The following ADAM12 variants were observed in gnomAD, a reference collection of about 807,000 sequenced individuals.
ADAM12 encodes disintegrin and metalloproteinase domain-containing protein 12.
ADAM12 carries 70 observed loss-of-function variants against 106.4 expected under a neutral mutation model. The observed-to-expected ratio is 0.66, with a 90% CI of 0.54 to 0.80. The LOEUF (loss-of-function observed/expected upper bound fraction) is 0.80, where lower values mean the gene tolerates loss of function less well. Among genes scored for constraint, ADAM12 ranks in the 30% least tolerant of loss-of-function variants. ADAM12 has a pLI of 0.00. For synonymous variants in ADAM12, 420 were observed against 433.5 expected (o/e 0.97, Z 0.39); for missense variants, 1,010 against 1,171.9 (o/e 0.86, Z 2.02).
intron 4 of ADAM12, among the ~76,000 whole-genome samples, chr10:126,137,925 G>A (rs1956436237): frequency 1.3e-5 from 2 of 152,192 alleles, no homozygotes; most frequent in African/African-American, 2.4e-5. Context: ...TAAAAGTAAG[G>A]TTGCTGGTTA....
At chr10:126,264,100 C>G (rs1348469757) in intron 3 of ADAM12, among the ~76,000 whole-genome samples, 2 of 152,092 alleles carry the variant, frequency 1.3e-5, no homozygotes, top group Admixed American at 1.3e-4. Flanking sequence ...TATGAATGTA[C>G]AATACCATCA....
At chr10:126,198,346 C>T (rs896878229) in intron 3 of ADAM12, among the ~76,000 whole-genome samples, 7 of 152,170 alleles carry the variant, frequency 4.6e-5, no homozygotes, top group African/African-American at 7.2e-5. Flanking sequence ...AAGTGTAAGA[C>T]GACAGAATTT....
chr10:126,051,253 A>G (rs771466231), intron 14 of ADAM12, among the ~76,000 whole-genome samples: 2 of 152,218 alleles, frequency 1.3e-5, no homozygotes, highest in South Asian at 4.1e-4. Flanking sequence ...ACTGGCATCT[A>G]GAATAGTAAC....
intron 10 of ADAM12, among the ~76,000 whole-genome samples, chr10:126,094,346 G>C (rs12416659): frequency 6.6e-6 from 1 of 152,136 alleles, no homozygotes; most frequent in African/African-American, 2.4e-5. Flanking sequence ...TTCGGCTGAG[G>C]AATGTCTGTA....
chr10:126,383,254 C>G (rs758561052), intron 1 of ADAM12, among the ~76,000 whole-genome samples: 1 of 151,918 alleles, frequency 6.6e-6, no homozygotes, highest in East Asian at 1.9e-4. Flanking sequence ...CATGAGCTAC[C>G]GTGCCCAGCC....
intron 3 of ADAM12, among the ~76,000 whole-genome samples, chr10:126,221,426 GAAGAAA>G (rs1333277098): frequency 2.0e-5 from 3 of 149,950 alleles, no homozygotes; most frequent in Non-Finnish European, 4.4e-5. Flanking sequence ...GAAAGAAAGA[GAAGAAA>G]AAGAAAAAGA....
intron 18 of ADAM12, 52 bp downstream of exon 18, chr10:126,042,988 C>A: frequency 6.4e-7 from 1 of 1,562,092 alleles, no homozygotes; most frequent in Non-Finnish European, 8.7e-7. Context: ...GCGAGCCCAC[C>A]CGCCCCCAGG....
chr10:126,079,251 T>C (rs1303203840), intron 11 of ADAM12, among the ~76,000 whole-genome samples: 1 of 152,196 alleles, frequency 6.6e-6, no homozygotes, highest in Non-Finnish European at 1.5e-5. Flanking sequence ...CACAATGTTG[T>C]GTAGCCATCA....
At position 126,118,189 on chromosome 10, in the gene ADAM12, A is replaced by G; in HGVS notation, c.452T>C (p.Leu151Ser). The change falls in exon 6 of 23, where the codon TTA becomes TCA. Residue 151 changes from leucine (L) to serine (S), a missense_variant. Physicochemically the swap from Leu to Ser is moderately radical, Grantham distance 145. This residue lies in a region of ADAM12 where 391 missense variants were observed against 442.9 expected (regional missense o/e 0.88). Transcript: ENST00000448723. ...LIVFENESYV[L>S]EPMKSATNRY... is the part of the protein sequence containing the mutation. ...GTTGGTTGCACTTTTCATTGGTTCT[A>G]AGACATAGCTTTCATTTTCAAACAC... 6.2e-7 allele frequency: 1 copy of G among 1,614,112 alleles called. No homozygotes were observed. Among genetic ancestry groups the G allele is most frequent in the South Asian group, 1.1e-5 (1 of 91,074 alleles).
intron 3 of ADAM12, among the ~76,000 whole-genome samples, chr10:126,187,185 T>C (rs1957414160): frequency 2.0e-5 from 3 of 152,192 alleles, no homozygotes; most frequent in African/African-American, 7.2e-5. Context: ...AGTAAAACTT[T>C]CATACTTCTT....
At chr10:126,125,264 G>A (rs77948484) in intron 5 of ADAM12, among the ~76,000 whole-genome samples, 27 of 50,888 alleles carry the variant, frequency 5.3e-4, no homozygotes, top group Non-Finnish European at 1.0e-3. Flanking sequence ...TTTTTTTTTT[G>A]AAACGGAGTC....
chr10:126,267,650 C>A (rs1248587609), intron 3 of ADAM12, among the ~76,000 whole-genome samples: 3 of 152,286 alleles, frequency 2.0e-5, no homozygotes, highest in East Asian at 3.9e-4. Context: ...TGATGGGGAG[C>A]AGCCGTAAAT....
intron 22 of ADAM12, among the ~76,000 whole-genome samples, chr10:126,019,140 C>G (rs1055617582): frequency 3.9e-5 from 6 of 152,064 alleles, no homozygotes; most frequent in African/African-American, 7.2e-5. Flanking sequence ...TGTGTGGCAC[C>G]TCCCCTTTTT....
At chr10:126,312,858 C>T (rs192693906) in intron 2 of ADAM12, among the ~76,000 whole-genome samples, 4 of 152,248 alleles carry the variant, frequency 2.6e-5, no homozygotes, top group South Asian at 4.2e-4. Context: ...CACATATGCA[C>T]GTGAACATAT....
Position 126,036,308 on chromosome 10 carries a change from C to CA in ADAM12, c.2366dup (p.Leu789PhefsTer8). On this transcript the variant is annotated frameshift_variant, in exon 21 of 23. Transcript: ENST00000448723. LOFTEE classifies it high-confidence loss of function. ...TGATGTCAACATTCTGACACTGCAG[C>CA]AATCTCCTGGGATTGTCCTGTACAG... 1.3e-6 allele frequency: 2 copies of CA among 1,566,088 alleles called. No individual in the cohort carries two copies. The highest frequency in any genetic ancestry group is 2.4e-5 in the South Asian group (2 of 82,576).
rs1196820296 is a variant in ADAM12 at position 126,057,400 on chromosome 10, C to CAA, written c.1609+7404_1609+7405dup. 5.9e-4 allele frequency among the ~76,000 whole-genome samples: 20 copies of CAA among 33,736 alleles called. 4 individuals are homozygous for CAA. Among genetic ancestry groups the CAA allele is most frequent in the Admixed American group, 1.7e-3 (4 of 2,362 alleles). The allele number at this position is 33,736 out of a possible 152,430, so 22.1% of individuals were successfully genotyped here. A position where few individuals can be genotyped will look rare whatever the true frequency, so the allele number is the denominator to read the frequency against. ...ATTAAAAAACAAAAAAACAAAAAAA[C>CAA]AAAAAAAAAAAACAATGCTTACTCT... On this transcript the variant is annotated intron_variant, in intron 14 of 22. Coordinates refer to ENST00000448723, the MANE Select transcript of ADAM12 (RefSeq NM_001288973.2).
intron 1 of ADAM12, among the ~76,000 whole-genome samples, chr10:126,348,881 A>G (rs1484645576): frequency 6.6e-6 from 1 of 152,204 alleles, no homozygotes; most frequent in East Asian, 1.9e-4. Flanking sequence ...TGAGGATATA[A>G]TTACGCTAAG....
intron 2 of ADAM12, among the ~76,000 whole-genome samples, chr10:126,313,190 C>T (rs10901587): frequency 0.22 from 32,745 of 152,128 alleles, 3,561 homozygotes; most frequent in South Asian, 0.24. Flanking sequence ...CGCTGGCTGT[C>T]GGCTTTCCAT....
intron 3 of ADAM12, among the ~76,000 whole-genome samples, chr10:126,166,499 T>TTGTTTTC (rs373057905): frequency 2.6e-5 from 4 of 152,076 alleles, no homozygotes; most frequent in Non-Finnish European, 5.9e-5. Flanking sequence ...TTCTTTTTTT[T>TTGTTTTC]TGTTTTTTGT....
Sources: allele counts gnomAD v4.1 joint callset (sites outside exome capture counted in the v4.1 genomes callset), GRCh38; gene constraint gnomAD v4.1.1; regional missense constraint gnomAD v4.1.1; transcripts MANE v1.5; gene names NCBI Gene and HGNC (gene_info 2026-07-23, HGNC 2026-07-21).